The following DOCK6 variants were observed in gnomAD, a reference collection of about 807,000 sequenced individuals.
The protein encoded by DOCK6 is dedicator of cytokinesis protein 6.
Under a neutral mutation model 230.3 loss-of-function variants are expected in DOCK6, and 167 were observed. The observed-to-expected ratio is 0.73, with a 90% CI of 0.64 to 0.82. The LOEUF is 0.82. Among genes scored for constraint, DOCK6 ranks in the 40% least tolerant of loss-of-function variants. DOCK6 has a pLI of 0.00. For synonymous variants in DOCK6, 1,148 were observed against 1,185.0 expected (o/e 0.97, Z 0.64); for missense variants, 2,598 against 2,825.8 (o/e 0.92, Z 1.83).
At chr19:11,250,258 G>A (rs1477004063) in intron 6 of DOCK6, among the ~76,000 whole-genome samples, 2 of 150,174 alleles carry the variant, frequency 1.3e-5, no homozygotes, top group African/African-American at 2.5e-5. Flanking sequence ...TGATCCACCC[G>A]CCTCAGCCTC....
Position 11,227,323 on chromosome 19 carries a change from C to A in DOCK6, c.2955+14G>T. ...CTCAGGTTTCTTCCCACATTGAGACCCTGCATCTCTCACCTTGTGGACACG... is the reference window on the plus strand; with the variant it reads ...CTCAGGTTTCTTCCCACATTGAGACACTGCATCTCTCACCTTGTGGACACG... On this transcript the variant is annotated intron_variant, in intron 24 of 47. Coordinates refer to ENST00000294618, the MANE Select transcript of DOCK6 (RefSeq NM_020812.4). 1 of 1,612,674 alleles carries A rather than the reference C, an allele frequency of 6.2e-7. No homozygotes were observed. Among genetic ancestry groups the A allele is most frequent in the South Asian group, 1.1e-5 (1 of 91,052 alleles).
intron 2 of DOCK6, among the ~76,000 whole-genome samples, chr19:11,253,252 C>A (rs142754782): frequency 6.6e-6 from 1 of 152,092 alleles, no homozygotes; most frequent in African/African-American, 2.4e-5. Context: ...AGAGGCCAGG[C>A]AAGAGACAAT....
rs920101468 is a variant in DOCK6 at position 11,236,013 on chromosome 19, T to C, written c.2393-254A>G. 4.5e-5 allele frequency: 23 copies of C among 506,506 alleles called. 1 individual carries two copies. The Admixed American group carries it at 5.4e-4, about 12-fold the overall frequency. The allele number at this position is 506,506 out of a possible 1,614,324, so 31.4% of individuals were successfully genotyped here. On this transcript the variant is annotated intron_variant, in intron 20 of 47. Transcript: ENST00000294618. The surrounding 1 kb of genome is among the most constrained non-coding windows in gnomAD (Gnocchi z 5.2). Reference sequence around the variant, plus strand: ...CTCCTGCCTCAGCCTCCCGAGTAGCTGGGATTACAGGCATGCGCCACCACG... The same window carrying C: ...CTCCTGCCTCAGCCTCCCGAGTAGCCGGGATTACAGGCATGCGCCACCACG...
chr19:11,212,601 C>A (rs1306278369), intron 35 of DOCK6, among the ~76,000 whole-genome samples: 1 of 131,468 alleles, frequency 7.6e-6, no homozygotes, highest in Admixed American at 8.3e-5. Context: ...GTCACTTTAT[C>A]ACTTAGGCTA....
intron 22 of DOCK6, 81 bp downstream of exon 22, chr19:11,233,122 C>T (rs531644270): frequency 4.6e-6 from 7 of 1,525,218 alleles, no homozygotes; most frequent in African/African-American, 2.7e-5. Flanking sequence ...GTTTCCCATG[C>T]TTCATCAACA....
intron 7 of DOCK6, chr19:11,247,461 GAGGCCCACCC>G (rs1457547447): frequency 2.0e-5 from 3 of 152,646 alleles, no homozygotes; most frequent in African/African-American, 4.8e-5. Context: ...TTTAGGGCAG[GAGGCCCACCC>G]AGGCCTCAGG....
rs1352087765 is a variant in DOCK6, at chr19:11,236,839, C to T, written c.2114G>A (p.Gly705Asp). Residue 705 changes from glycine (G) to aspartate (D), a missense_variant, in exon 19 of 48, where the codon GGC becomes GAC. By Grantham distance (94) the Gly-to-Asp change is moderately conservative. Transcript: ENST00000294618. The surrounding 1 kb of genome is among the most constrained non-coding windows in gnomAD (Gnocchi z 5.2). ...PGMRWVDGHK[G>D]VFSVELTAVS... ...GGCTGTGAGCTCCACACTGAACACG[C>T]CCTTGTGACCGTCCACCCAGCGCAT... The T allele has an allele frequency of 5.8e-6, 9 of 1,555,784 alleles. No homozygotes were observed. Among genetic ancestry groups the T allele is most frequent in the African/African-American group, 1.4e-5 (1 of 73,266 alleles).
chr19:11,207,280 A>G (rs1192507573), intron 39 of DOCK6, among the ~76,000 whole-genome samples: 2 of 151,772 alleles, frequency 1.3e-5, no homozygotes, highest in Non-Finnish European at 2.9e-5. Flanking sequence ...TGTAGCCCCA[A>G]CCTCCTGGGC....
chr19:11,225,981 T>G (rs2079658114), intron 24 of DOCK6, among the ~76,000 whole-genome samples: 1 of 151,726 alleles, frequency 6.6e-6, no homozygotes, highest in African/African-American at 2.4e-5. Flanking sequence ...AGGTCAAGGC[T>G]GCCGTGAACT....
rs1436670872 is a variant in DOCK6 at position 11,222,289 on chromosome 19, G to A, written c.3241-41C>T. The A allele has an allele frequency of 1.3e-6, 2 of 1,565,868 alleles. No homozygotes were observed. Among genetic ancestry groups the A allele is most frequent in the Admixed American group, 3.8e-5 (2 of 52,598 alleles). Reference sequence around the variant, plus strand: ...AAAATGGGGGATGCCAGCGGTCAAGGGTCAGAGGTGGCAGGTCACCATTAA... The same window carrying A: ...AAAATGGGGGATGCCAGCGGTCAAGAGTCAGAGGTGGCAGGTCACCATTAA... On this transcript the variant is annotated intron_variant, in intron 26 of 47. Coordinates refer to ENST00000294618, the MANE Select transcript of DOCK6 (RefSeq NM_020812.4). This position sits in a 1 kb window ranked among gnomAD's most constrained non-coding sequence, Gnocchi z 4.0.
rs1405639413 is a variant in DOCK6 at position 11,243,988 on chromosome 19, AACATATG to A, written c.1024-113_1024-107del. 32 of 1,255,268 alleles carry A rather than the reference AACATATG, an allele frequency of 2.5e-5. No individual in the cohort carries two copies. The East Asian group carries it at 6.1e-4, about 24-fold the overall frequency. The allele number at this position is 1,255,268 out of a possible 1,614,324, so 77.8% of individuals were successfully genotyped here. A position where few individuals can be genotyped will look rare whatever the true frequency, so the allele number is the denominator to read the frequency against. On this transcript the variant is annotated intron_variant, in intron 9 of 47. Transcript: ENST00000294618. The surrounding 1 kb of genome is among the most constrained non-coding windows in gnomAD (Gnocchi z 6.3). ...CCCTCATGGGCCCTCGGACACTCCT[AACATATG>A]AAGGCCTTTGCTCCAACACCTCCCA...
At chr19:11,261,253 C>G (rs1298666039) in intron 1 of DOCK6, among the ~76,000 whole-genome samples, 3 of 152,000 alleles carry the variant, frequency 2.0e-5, no homozygotes, top group Non-Finnish European at 4.4e-5. Flanking sequence ...TGGCCTCGAT[C>G]GATCCCTCTC....
At chr19:11,225,042 C>T (rs894709243) in intron 24 of DOCK6, among the ~76,000 whole-genome samples, 22 of 150,454 alleles carry the variant, frequency 1.5e-4, no homozygotes, top group Admixed American at 1.1e-3. Context: ...CCCGCCTGGG[C>T]GACAGAATGA....
chr19:11,222,886 G>A lies in DOCK6; in HGVS notation c.3089C>T (p.Ser1030Leu), dbSNP rs746907810. Residue 1030 changes from serine (S) to leucine (L), a missense_variant, in exon 26 of 48, where the codon TCG becomes TTG. Coordinates refer to ENST00000294618, the MANE Select transcript of DOCK6 (RefSeq NM_020812.4). The surrounding 1 kb of genome is among the most constrained non-coding windows in gnomAD (Gnocchi z 4.0). ...CAGCAGGGCTGCTGGATTAGGGGAC[G>A]ACTGGAGCCGCGTGGCCACCTGCAG... is the stretch of plus-strand genomic sequence containing the variant. ...HYKQVATRLQ[S>L]SPNPAALLTL... 20 of 1,608,150 alleles carry A rather than the reference G, an allele frequency of 1.2e-5. No homozygotes were observed. The highest frequency in any genetic ancestry group is 2.7e-5 in the African/African-American group (2 of 74,808).
At chr19:11,241,415 C>T (rs377027259) in intron 14 of DOCK6, 64 of 1,450,628 alleles carry the variant, frequency 4.4e-5, no homozygotes, top group Middle Eastern at 2.3e-4. Context: ...AGGTGGCTGT[C>T]GGCTGAGGTT....
intron 39 of DOCK6, among the ~76,000 whole-genome samples, chr19:11,207,069 G>A (rs538276207): frequency 2.0e-5 from 3 of 152,142 alleles, no homozygotes; most frequent in Admixed American, 6.5e-5. Flanking sequence ...TCCTGACCTC[G>A]TGATCCGCCT....
rs138572354 is a variant in DOCK6, at chr19:11,227,633, C to A, written c.2815-156G>T. Among the ~76,000 whole-genome samples, 5,794 of 141,582 alleles carry A rather than the reference C, an allele frequency of 0.041. 158 individuals are homozygous for A. The highest frequency in any genetic ancestry group is 0.065 in the Non-Finnish European group (4,245 of 65,558). The allele number at this position is 141,582 out of a possible 152,430, so 92.9% of individuals were successfully genotyped here. On this transcript the variant is annotated intron_variant, in intron 23 of 47. Coordinates refer to ENST00000294618, the MANE Select transcript of DOCK6 (RefSeq NM_020812.4). The stretch of plus-strand genomic sequence containing the variant: ...GGTGGAGGAGGCTTGACAGGAGGGG[C>A]GGGGCTTTATTAGCAATGGAGGTGG...
intron 32 of DOCK6, 128 bp from the exon 33 acceptor site, chr19:11,214,777 GT>G (rs902045600): frequency 4.1e-5 from 33 of 800,776 alleles, no homozygotes; most frequent in African/African-American, 8.8e-5. Context: ...TTTTGTTTTT[GT>G]TTTTTTTGTT....
rs1382210099 is a variant in DOCK6, at chr19:11,237,529, A to G, written c.2000T>C (p.Leu667Pro). The G allele has an allele frequency of 6.3e-7, 1 of 1,598,296 alleles. No individual in the cohort carries two copies. Among genetic ancestry groups the G allele is most frequent in the Admixed American group, 1.7e-5 (1 of 58,190 alleles). ...TWIPLLQHGR[L>P]RTGPFCLPVS... ...TGGGAGACAGAAGGGGCCGGTCCTC[A>G]GGCGCCCGTGCTGCAGCAGTGGGAT... is the stretch of plus-strand genomic sequence containing the variant. The change falls in exon 18 of 48, where the codon CTG becomes CCG. Residue 667 changes from leucine (L) to proline (P), a missense_variant. Physicochemically the swap from Leu to Pro is moderately conservative, Grantham distance 98. Coordinates refer to ENST00000294618, the MANE Select transcript of DOCK6 (RefSeq NM_020812.4).
Sources: gnomAD v4.1 joint callset for allele counts (sites outside exome capture counted in the v4.1 genomes callset) on GRCh38, gnomAD v4.1.1 for gene constraint, Gnocchi (gnomAD v3.1) non-coding constraint, MANE v1.5 for transcripts, NCBI Gene and HGNC (gene_info 2026-07-23, HGNC 2026-07-21) for gene names.